Variants in LAMA2 observed in about 807,000 individuals in gnomAD.
The protein encoded by LAMA2 is laminin subunit alpha-2.
Under a neutral mutation model 364.8 loss-of-function variants are expected in LAMA2, and 269 were observed. That is an observed-to-expected ratio of 0.74 (90% CI 0.67 to 0.82). The LOEUF (loss-of-function observed/expected upper bound fraction) is 0.82. Ranked by LOEUF, LAMA2 falls within the 40% of genes least tolerant of loss-of-function variation. The pLI is 0.00. For synonymous variants in LAMA2, 1,379 were observed against 1,370.6 expected (o/e 1.01, Z -0.14); for missense variants, 3,807 against 3,873.2 (o/e 0.98, Z 0.45).
rs867072723 is a variant in LAMA2 at position 128,968,393 on chromosome 6, T to C, written c.113-81525T>C. On this transcript the variant is annotated intron_variant, in intron 1 of 64. Coordinates refer to ENST00000421865, the MANE Select transcript of LAMA2 (RefSeq NM_000426.4). ...AGTAAACAAGTCCCCATTCTTATGA[T>C]GTTTTTATTTTAGAGGGGATAGGAA... Among the ~76,000 whole-genome samples, 13 of 152,346 alleles carry C rather than the reference T, an allele frequency of 8.5e-5. No homozygotes were observed. The South Asian group carries it at 2.1e-3, about 24-fold the overall frequency.
At chr6:129,155,411 T>C (rs1779050934) in intron 8 of LAMA2, among the ~76,000 whole-genome samples, 2 of 152,128 alleles carry the variant, frequency 1.3e-5, no homozygotes, top group South Asian at 2.1e-4. Context: ...TTGACTATCT[T>C]TTTGGATTTT....
intron 34 of LAMA2, among the ~76,000 whole-genome samples, chr6:129,374,853 G>A (rs897326671): frequency 6.6e-6 from 1 of 151,438 alleles, no homozygotes; most frequent in Non-Finnish European, 1.5e-5. Flanking sequence ...CCAAAGTGCT[G>A]GGATTACAGG....
At chr6:129,367,988 C>T (rs1021909936) in intron 33 of LAMA2, among the ~76,000 whole-genome samples, 1 of 152,200 alleles carries the variant, frequency 6.6e-6, no homozygotes, top group East Asian at 1.9e-4. Flanking sequence ...GATCAAGGTA[C>T]CAGCAATGTT....
At chr6:128,941,639 G>T (rs538001556) in intron 1 of LAMA2, among the ~76,000 whole-genome samples, 2 of 151,952 alleles carry the variant, frequency 1.3e-5, no homozygotes, top group East Asian at 3.9e-4. Flanking sequence ...AAAAATAAAT[G>T]ACATTCTGGA....
chr6:129,372,581 G>A (rs187052201), intron 34 of LAMA2, among the ~76,000 whole-genome samples: 3 of 152,204 alleles, frequency 2.0e-5, no homozygotes, highest in Non-Finnish European at 2.9e-5. Flanking sequence ...CCAAATTTTG[G>A]CAGCATGAAT....
At chr6:129,060,110 G>A (rs548744018) in intron 3 of LAMA2, among the ~76,000 whole-genome samples, 4 of 152,304 alleles carry the variant, frequency 2.6e-5, no homozygotes, top group African/African-American at 4.8e-5. Context: ...ATGGAAGCAC[G>A]TGAAGAGCTT....
At chr6:129,219,801 G>C (rs1783689530) in intron 12 of LAMA2, among the ~76,000 whole-genome samples, 1 of 113,520 alleles carries the variant, frequency 8.8e-6, no homozygotes, top group African/African-American at 3.3e-5. Flanking sequence ...CACAGGAAGG[G>C]GAACATCACA....
In LAMA2 at chr6:129,149,075, C is replaced by G. The variant is rs746932671; in HGVS notation, c.1006C>G (p.Leu336Val). The change falls in exon 7 of 65, where the codon CTA becomes GTA. Residue 336 changes from leucine (L) to valine (V), a missense_variant. Around this residue, in one of 3 missense-constraint regions of LAMA2, gnomAD observed 80 missense variants for 124.0 expected, o/e 0.65. Transcript: ENST00000421865. ...GAAACCCTGGAGAGCTGGAACTTTTCTAACTAAAACTGAATGTGAAGGTAT... is the reference window on the plus strand; with the variant it reads ...GAAACCCTGGAGAGCTGGAACTTTTGTAACTAAAACTGAATGTGAAGGTAT... ...HQKPWRAGTF[L>V]TKTECEACNC... 6.2e-7 allele frequency: 1 copy of G among 1,602,334 alleles called. No homozygotes were observed. Among genetic ancestry groups the G allele is most frequent in the Non-Finnish European group, 8.6e-7 (1 of 1,169,454 alleles).
intron 1 of LAMA2, among the ~76,000 whole-genome samples, chr6:129,008,599 C>T (rs771506962): frequency 1.3e-5 from 2 of 152,138 alleles, no homozygotes; most frequent in Non-Finnish European, 2.9e-5. Context: ...GGTCTCAAAG[C>T]AGTCATTTTA....
In LAMA2 at chr6:129,486,691, T is replaced by C. The variant is rs1170619699; in HGVS notation, c.7898+69T>C. Reference sequence around the variant, plus strand: ...CTTCCTTTGCTAGCATCGGTATCTATCAGTATCTGCCTGAACCTCTGTGTG... The same window carrying C: ...CTTCCTTTGCTAGCATCGGTATCTACCAGTATCTGCCTGAACCTCTGTGTG... On this transcript the variant is annotated intron_variant, in intron 56 of 64. Coordinates refer to ENST00000421865, the MANE Select transcript of LAMA2 (RefSeq NM_000426.4). 4 of 1,405,718 alleles carry C rather than the reference T, an allele frequency of 2.8e-6. No homozygotes were observed. The East Asian group carries it at 9.2e-5, about 32-fold the overall frequency. 87.1% of individuals were successfully genotyped at this position (1,405,718 alleles called of 1,614,324 possible). A position where few individuals can be genotyped will look rare whatever the true frequency, so the allele number is the denominator to read the frequency against.
rs997018954 is a variant in LAMA2, at chr6:129,147,178, C to T, written c.909+130C>T. 8 of 725,984 alleles carry T rather than the reference C, an allele frequency of 1.1e-5. 1 individual carries two copies. Among genetic ancestry groups the T allele is most frequent in the African/African-American group, 7.0e-5 (4 of 57,428 alleles). The allele number at this position is 725,984 out of a possible 1,614,324, so 45.0% of individuals were successfully genotyped here. A position where few individuals can be genotyped will look rare whatever the true frequency, so the allele number is the denominator to read the frequency against. On this transcript the variant is annotated intron_variant, in intron 6 of 64. Transcript: ENST00000421865. ...CCACTTAGACAGTGTAACAGAAATC[C>T]ATGCCAGGGTGAAATAAGAGCTGGC...
At chr6:129,292,251 C>T (rs564846454) in intron 20 of LAMA2, among the ~76,000 whole-genome samples, 4 of 152,222 alleles carry the variant, frequency 2.6e-5, no homozygotes, top group Admixed American at 6.5e-5. Context: ...GAGGCTGAGG[C>T]GGGAGAATCG....
At chr6:129,033,013 T>TA (rs1186662120) in intron 1 of LAMA2, among the ~76,000 whole-genome samples, 5 of 151,976 alleles carry the variant, frequency 3.3e-5, no homozygotes, top group Admixed American at 2.0e-4. Flanking sequence ...CTGAGACGTC[T>TA]AAAAAAATGG....
At chr6:129,506,295 G>A (rs942314657) in intron 61 of LAMA2, among the ~76,000 whole-genome samples, 1 of 152,116 alleles carries the variant, frequency 6.6e-6, no homozygotes, top group Admixed American at 6.5e-5. Flanking sequence ...AGAGGTTGCA[G>A]TGAGCTGTAA....
intron 3 of LAMA2, among the ~76,000 whole-genome samples, chr6:129,087,739 T>C (rs1252974921): frequency 1.3e-5 from 2 of 151,756 alleles, no homozygotes; most frequent in Non-Finnish European, 2.9e-5. Flanking sequence ...AGGTCATGCA[T>C]GGACTACAAG....
intron 63 of LAMA2, 94 bp downstream of exon 63, chr6:129,512,587 C>T: frequency 1.5e-6 from 2 of 1,374,660 alleles, no homozygotes; most frequent in Non-Finnish European, 2.1e-6. Flanking sequence ...TATTTTGAAG[C>T]CCGGCTGTAT....
rs1267124576 is a variant in LAMA2, at chr6:129,328,331, T to G, written c.4230T>G (p.Pro1410=). 6.2e-7 allele frequency: 1 copy of G among 1,614,178 alleles called. No individual in the cohort carries two copies. The highest frequency in any genetic ancestry group is 1.1e-5 in the South Asian group (1 of 91,088). The change falls in exon 29 of 65, where the codon CCT becomes CCG. Residue 1410 remains proline (P), a synonymous_variant. Transcript: ENST00000421865. The part of the protein sequence containing the change: ...RLRSQPGGRT[P]GPTLGTCVPC... ...GTTCTCAACCAGGTGGCCGCACCCCTGGACCAACCCTGGGCACCTGTGTTC... is the reference window on the plus strand; with the variant it reads ...GTTCTCAACCAGGTGGCCGCACCCCGGGACCAACCCTGGGCACCTGTGTTC...
intron 41 of LAMA2, among the ~76,000 whole-genome samples, chr6:129,432,244 T>C (rs1781631817): frequency 6.6e-6 from 1 of 152,142 alleles, no homozygotes; most frequent in Non-Finnish European, 1.5e-5. Context: ...ATTCCTCCTT[T>C]AGAGTGTGAA....
At chr6:129,331,008 A>G (rs1775619493) in intron 29 of LAMA2, among the ~76,000 whole-genome samples, 2 of 152,028 alleles carry the variant, frequency 1.3e-5, no homozygotes, top group Admixed American at 6.6e-5. Flanking sequence ...AGCTGGAACT[A>G]CAGGTGCCCA....
Sources: gnomAD v4.1 joint callset for allele counts (sites outside exome capture counted in the v4.1 genomes callset) on GRCh38, gnomAD v4.1.1 for gene constraint, gnomAD v4.1.1 regional missense constraint, MANE v1.5 for transcripts, NCBI Gene and HGNC (gene_info 2026-07-23, HGNC 2026-07-21) for gene names.